PARD3B: variants seen among roughly 807,000 people sequenced by gnomAD.
PARD3B encodes the protein partitioning defective 3 homolog B.
In PARD3B, 103 loss-of-function variants were observed where a neutral mutation model predicts 130.2. The observed-to-expected ratio is 0.79, with a 90% CI of 0.67 to 0.93. PARD3B has a LOEUF of 0.93. PARD3B is among the 40% of genes least tolerant of loss of function. The pLI is 0.00. For missense variants in PARD3B, 1,609 were observed against 1,499.2 expected (o/e 1.07, Z -1.21); for synonymous variants, 583 against 553.2 (o/e 1.05, Z -0.76).
At chr2:205,429,625 T>C (rs2047260868) in intron 19 of PARD3B, among the ~76,000 whole-genome samples, 1 of 152,198 alleles carries the variant, frequency 6.6e-6, no homozygotes, top group Non-Finnish European at 1.5e-5. Flanking sequence ...TATATAACTG[T>C]ACTTTGTTAT....
chr2:205,209,978 G>A (rs2125845983), intron 15 of PARD3B, among the ~76,000 whole-genome samples: 1 of 152,120 alleles, frequency 6.6e-6, no homozygotes, highest in Admixed American at 6.6e-5. Context: ...GGATTATTAT[G>A]CATTGTATGC....
Position 205,489,528 on chromosome 2 carries a change from CAT to C in PARD3B, c.3045-10361_3045-10360del, listed in dbSNP as rs1487240144. On this transcript the variant is annotated intron_variant, in intron 20 of 22. Transcript: ENST00000406610. ...ATATATACGTATATATATATACACA[CAT>C]ATATATGGCATATATATGTATATAT... Among the ~76,000 whole-genome samples the C allele has an allele frequency of 1.4e-4, 4 of 28,972 alleles. No individual in the cohort carries two copies. The East Asian group carries it at 6.0e-3, about 43-fold the overall frequency. 19.0% of individuals were successfully genotyped at this position (28,972 alleles called of 152,430 possible).
chr2:205,128,767 C>CT lies in PARD3B; in HGVS notation c.1434+3032dup, dbSNP rs2031706578. On this transcript the variant is annotated intron_variant, in intron 10 of 22. Transcript: ENST00000406610. This position sits in a 1 kb window ranked among gnomAD's most constrained non-coding sequence, Gnocchi z 4.5. The stretch of plus-strand genomic sequence containing the variant: ...TATGGGGTAGATAGATTTATGCAGC[C>CT]TTGCCTGGGACTAACCACTATTTTT... Among the ~76,000 whole-genome samples the CT allele has an allele frequency of 6.6e-6, 1 of 152,106 alleles. No homozygotes were observed. Among genetic ancestry groups the CT allele is most frequent in the Non-Finnish European group, 1.5e-5 (1 of 68,016 alleles).
At chr2:204,970,961 T>C (rs1691649884) in intron 3 of PARD3B, among the ~76,000 whole-genome samples, 1 of 152,238 alleles carries the variant, frequency 6.6e-6, no homozygotes, top group Non-Finnish European at 1.5e-5. Context: ...GTGTTTGTGA[T>C]TCTTCAAAAC....
intron 10 of PARD3B, among the ~76,000 whole-genome samples, chr2:205,150,211 C>CTG (rs71409001): frequency 0.11 from 15,337 of 134,140 alleles, 995 homozygotes; most frequent in South Asian, 0.22. Flanking sequence ...CAGCCAGGCT[C>CTG]TGTGTGTGTG....
intron 2 of PARD3B, among the ~76,000 whole-genome samples, chr2:204,847,248 C>A (rs1575123276): frequency 6.8e-6 from 1 of 145,996 alleles, no homozygotes; most frequent in African/African-American, 2.6e-5. Context: ...ATTGCTATAA[C>A]TATAGAACAG....
At chr2:205,323,113 G>A (rs1408840268) in intron 18 of PARD3B, among the ~76,000 whole-genome samples, 1 of 151,384 alleles carries the variant, frequency 6.6e-6, no homozygotes, top group Non-Finnish European at 1.5e-5. Flanking sequence ...GGTTCATCTT[G>A]TTGGCCAGGA....
intron 20 of PARD3B, among the ~76,000 whole-genome samples, chr2:205,459,679 A>G (rs1024399439): frequency 1.3e-5 from 2 of 152,158 alleles, no homozygotes; most frequent in Non-Finnish European, 2.9e-5. Context: ...TCCATCAGTC[A>G]CATTCCTGAA....
chr2:205,424,793 G>A (rs571783498), intron 19 of PARD3B, among the ~76,000 whole-genome samples: 4 of 152,194 alleles, frequency 2.6e-5, no homozygotes, highest in Admixed American at 6.5e-5. Flanking sequence ...AGGGCCTGTC[G>A]TTTAGTTTTC....
At chr2:204,608,394 C>A (rs780904647) in intron 1 of PARD3B, among the ~76,000 whole-genome samples, 1 of 152,080 alleles carries the variant, frequency 6.6e-6, no homozygotes, top group Non-Finnish European at 1.5e-5. Context: ...ATTCTTCTAC[C>A]CTTAGTGTGT....
chr2:204,781,270 A>C (rs1380494129), intron 2 of PARD3B, among the ~76,000 whole-genome samples: 1 of 152,146 alleles, frequency 6.6e-6, no homozygotes, highest in Non-Finnish European at 1.5e-5. Flanking sequence ...TAATTTGTTG[A>C]GCAAATTAAT....
chr2:205,494,592 A>G (rs1461502810), intron 20 of PARD3B, among the ~76,000 whole-genome samples: 2 of 152,138 alleles, frequency 1.3e-5, no homozygotes, highest in Non-Finnish European at 2.9e-5. Flanking sequence ...CATTGCATGT[A>G]TTTCTATTAC....
intron 3 of PARD3B, among the ~76,000 whole-genome samples, chr2:205,024,162 C>CTTTTTTTTT (rs1172893472): frequency 2.8e-3 from 280 of 98,728 alleles, no homozygotes; most frequent in Non-Finnish European, 3.3e-3. Flanking sequence ...TTCTTTCTTT[C>CTTTTTTTTT]TTTTTTTTTT....
chr2:205,610,125 A>G (rs2105789551), intron 22 of PARD3B, among the ~76,000 whole-genome samples: 1 of 152,328 alleles, frequency 6.6e-6, no homozygotes, highest in East Asian at 1.9e-4. Flanking sequence ...AGAAGTTTGC[A>G]TAATTCTGGA....
intron 11 of PARD3B, among the ~76,000 whole-genome samples, chr2:205,168,264 G>C (rs1003465842): frequency 1.4e-5 from 2 of 139,914 alleles, no homozygotes; most frequent in African/African-American, 5.4e-5. Flanking sequence ...GGGAGTAATA[G>C]AGGAAGAAAA....
At chr2:205,238,704 C>T (rs1341966688) in intron 15 of PARD3B, among the ~76,000 whole-genome samples, 9 of 149,842 alleles carry the variant, frequency 6.0e-5, no homozygotes, top group Admixed American at 1.3e-4. Context: ...TGGTGGCAGG[C>T]GCTTGTAATC....
chr2:205,171,076 C>T (rs2035149995), intron 11 of PARD3B, among the ~76,000 whole-genome samples: 1 of 152,174 alleles, frequency 6.6e-6, no homozygotes, highest in Non-Finnish European at 1.5e-5. Context: ...TTCTTAGGTT[C>T]TGTGAGAATC....
intron 2 of PARD3B, among the ~76,000 whole-genome samples, chr2:204,917,557 G>T (rs781773397): frequency 6.6e-6 from 1 of 152,142 alleles, no homozygotes; most frequent in Non-Finnish European, 1.5e-5. Context: ...CAGGAGTTTC[G>T]TTTGGGACAT....
At chr2:204,631,852 T>A (rs1168089862) in intron 1 of PARD3B, among the ~76,000 whole-genome samples, 1 of 152,172 alleles carries the variant, frequency 6.6e-6, no homozygotes, top group East Asian at 1.9e-4. Context: ...ATTTCTCCTA[T>A]GTTTATGAAG....
Sources: allele counts gnomAD v4.1 joint callset (sites outside exome capture counted in the v4.1 genomes callset), GRCh38; gene constraint gnomAD v4.1.1; non-coding constraint Gnocchi (gnomAD v3.1); transcripts MANE v1.5; gene names NCBI Gene and HGNC (gene_info 2026-07-23, HGNC 2026-07-21).